Variants in ARL15 observed in about 807,000 individuals in gnomAD.
ARL15 encodes the protein ARF like GTPase 15.
A neutral mutation model predicts 25.2 loss-of-function variants in ARL15; 19 were observed. The ratio of observed to expected loss-of-function variants is 0.75; its 90% CI spans 0.53 to 1.10. The LOEUF (loss-of-function observed/expected upper bound fraction) is 1.10, where lower values mean the gene tolerates loss of function less well. ARL15 is among the 50% of genes least tolerant of loss of function. ARL15 has a pLI of 0.00. For synonymous variants in ARL15, 94 were observed against 86.8 expected (o/e 1.08, Z -0.46); for missense variants, 220 against 246.0 (o/e 0.89, Z 0.71).
At chr5:54,024,822 C>T (rs1286479857) in intron 4 of ARL15, among the ~76,000 whole-genome samples, 1 of 151,898 alleles carries the variant, frequency 6.6e-6, no homozygotes, top group South Asian at 2.1e-4. Flanking sequence ...AATACAAATA[C>T]TCACAAAGTA....
chr5:54,291,630 T>C (rs1370018179), intron 1 of ARL15, among the ~76,000 whole-genome samples: 2 of 152,084 alleles, frequency 1.3e-5, no homozygotes, highest in Non-Finnish European at 2.9e-5. Flanking sequence ...GGGAAGATAT[T>C]TTCTCACACC....
chr5:54,154,375 C>T, intron 3 of ARL15: 1 of 424,134 alleles, frequency 2.4e-6, no homozygotes, highest in Non-Finnish European at 4.2e-6. Flanking sequence ...ATTCAAAAAA[C>T]CCCCAAAGTT....
At chr5:54,050,938 A>G (rs571095187) in intron 4 of ARL15, among the ~76,000 whole-genome samples, 3 of 152,284 alleles carry the variant, frequency 2.0e-5, no homozygotes, top group African/African-American at 7.2e-5. Flanking sequence ...CTCAAATGTG[A>G]TTTTAAACTA....
chr5:53,926,578 G>A (rs1014471906), intron 4 of ARL15, among the ~76,000 whole-genome samples: 2 of 152,190 alleles, frequency 1.3e-5, no homozygotes, highest in Non-Finnish European at 2.9e-5. Flanking sequence ...CAGTTGACAG[G>A]AGAAGGGAAA....
At chr5:54,104,691 C>T (rs1752539350) in intron 4 of ARL15, among the ~76,000 whole-genome samples, 1 of 152,122 alleles carries the variant, frequency 6.6e-6, no homozygotes, top group African/African-American at 2.4e-5. Flanking sequence ...CTCCACACAA[C>T]TCAGAGATAC....
intron 1 of ARL15, among the ~76,000 whole-genome samples, chr5:54,296,009 G>T (rs564709732): frequency 2.6e-5 from 4 of 152,166 alleles, no homozygotes; most frequent in East Asian, 3.8e-4. Flanking sequence ...GAGTCGGCTC[G>T]TGTGGCCGAA....
intron 1 of ARL15, among the ~76,000 whole-genome samples, chr5:54,283,049 G>A (rs972801320): frequency 1.3e-5 from 2 of 152,160 alleles, no homozygotes. Context: ...GTCGAACACT[G>A]TTATTATGGT....
intron 1 of ARL15, among the ~76,000 whole-genome samples, chr5:54,293,319 C>A (rs1758379240): frequency 6.6e-6 from 1 of 152,186 alleles, no homozygotes; most frequent in African/African-American, 2.4e-5. Context: ...TTCATCAGAA[C>A]AGCTTCATTG....
intron 3 of ARL15, among the ~76,000 whole-genome samples, chr5:54,125,177 G>T (rs1391303954): frequency 5.3e-5 from 8 of 151,546 alleles, no homozygotes; most frequent in Non-Finnish European, 1.2e-4. Flanking sequence ...GGGATTACAG[G>T]TGTGCACCAC....
At chr5:54,045,893 C>T (rs984538839) in intron 4 of ARL15, among the ~76,000 whole-genome samples, 4 of 152,214 alleles carry the variant, frequency 2.6e-5, no homozygotes, top group African/African-American at 9.6e-5. Context: ...CCTTCAATTG[C>T]TCTTAGTTTT....
chr5:54,006,031 C>T (rs1454266323), intron 4 of ARL15, among the ~76,000 whole-genome samples: 2 of 81,090 alleles, frequency 2.5e-5, no homozygotes, highest in Non-Finnish European at 4.4e-5. Context: ...ACCTGGGCAA[C>T]AAGAGTGAAA....
intron 4 of ARL15, among the ~76,000 whole-genome samples, chr5:54,025,891 T>C (rs1005152560): frequency 2.0e-5 from 3 of 152,212 alleles, no homozygotes; most frequent in Admixed American, 6.5e-5. Flanking sequence ...TCATAGGTAT[T>C]GTTATTTCTT....
At chr5:53,890,932 C>G (rs995154892) in intron 4 of ARL15, among the ~76,000 whole-genome samples, 1 of 152,162 alleles carries the variant, frequency 6.6e-6, no homozygotes, top group African/African-American at 2.4e-5. Flanking sequence ...GCAGTGAAAT[C>G]ACAGTATCAT....
chr5:54,220,585 C>A (rs190156168), intron 1 of ARL15, among the ~76,000 whole-genome samples: 215 of 152,224 alleles, frequency 1.4e-3, no homozygotes, highest in African/African-American at 4.9e-3. Context: ...ATGATAATCA[C>A]CTTAATTTTT....
At chr5:54,010,438 TAGTTAACAAGACATTCAAGACAAAC>T (rs1381631601) in intron 4 of ARL15, among the ~76,000 whole-genome samples, 1 of 152,180 alleles carries the variant, frequency 6.6e-6, no homozygotes, top group Non-Finnish European at 1.5e-5. Flanking sequence ...TCTAGAGAGT[TAGTTAACAAGACATTCAAGACAAAC>T]AGTCTCAATG....
intron 4 of ARL15, among the ~76,000 whole-genome samples, chr5:54,072,787 C>T (rs778263767): frequency 1.3e-5 from 2 of 152,178 alleles, no homozygotes; most frequent in Admixed American, 6.5e-5. Flanking sequence ...TTTCCCACTC[C>T]CTTTCCAAAA....
chr5:53,920,308 T>C (rs1336521906), intron 4 of ARL15, among the ~76,000 whole-genome samples: 1 of 152,124 alleles, frequency 6.6e-6, no homozygotes. Context: ...CCACACTATG[T>C]TTTTCATTTG....
At chr5:54,282,541 G>GT (rs1290578013) in intron 1 of ARL15, 36 of 985,280 alleles carry the variant, frequency 3.7e-5, no homozygotes, top group Non-Finnish European at 4.0e-5. Flanking sequence ...TCTTGGGACT[G>GT]TAAGGCAGAT....
intron 1 of ARL15, among the ~76,000 whole-genome samples, chr5:54,258,376 G>A (rs1452997814): frequency 6.6e-6 from 1 of 152,094 alleles, no homozygotes; most frequent in Non-Finnish European, 1.5e-5. Context: ...CTCATGGAGG[G>A]ACATCAAGTT....
Sources: allele counts gnomAD v4.1 joint callset (sites outside exome capture counted in the v4.1 genomes callset), GRCh38; gene constraint gnomAD v4.1.1; transcripts MANE v1.5; gene names NCBI Gene and HGNC (gene_info 2026-07-23, HGNC 2026-07-21).